The following PXDNL variants were observed in gnomAD, a reference collection of about 807,000 sequenced individuals.
PXDNL encodes the protein peroxidasin like.
Under a neutral mutation model 150.8 loss-of-function variants are expected in PXDNL, and 145 were observed. That is an observed-to-expected ratio of 0.96 (90% CI 0.84 to 1.10). The LOEUF is 1.10. PXDNL is among the 50% of genes least tolerant of loss of function. The pLI is 0.00. For synonymous variants in PXDNL, 757 were observed against 725.7 expected (o/e 1.04, Z -0.69); for missense variants, 2,087 against 1,873.9 (o/e 1.11, Z -2.10).
chr8:51,346,688 G>A (rs576037324), intron 19 of PXDNL, among the ~76,000 whole-genome samples: 17 of 152,208 alleles, frequency 1.1e-4, no homozygotes, highest in Non-Finnish European at 1.6e-4. Context: ...GAGATCTGTC[G>A]TTTACAAGTG....
At chr8:51,515,490 C>T (rs560929127) in intron 4 of PXDNL, among the ~76,000 whole-genome samples, 5 of 152,276 alleles carry the variant, frequency 3.3e-5, no homozygotes, top group African/African-American at 9.6e-5. Context: ...TACCCAAGCG[C>T]ACTGCGGATG....
intron 17 of PXDNL, among the ~76,000 whole-genome samples, chr8:51,399,829 T>A (rs988692484): frequency 6.6e-6 from 1 of 152,204 alleles, no homozygotes; most frequent in African/African-American, 2.4e-5. Context: ...TATACTCTGG[T>A]GGTAAAATAG....
chr8:51,369,029 C>A (rs1807009513), intron 19 of PXDNL, among the ~76,000 whole-genome samples: 1 of 151,958 alleles, frequency 6.6e-6, no homozygotes, highest in South Asian at 2.1e-4. Context: ...ATAAATAAAT[C>A]ATTTAAACAC....
intron 8 of PXDNL, among the ~76,000 whole-genome samples, chr8:51,471,727 C>T (rs1223892342): frequency 6.7e-6 from 1 of 149,624 alleles, no homozygotes; most frequent in African/African-American, 2.5e-5. Flanking sequence ...TGCTCTGTTG[C>T]CCAGGCTGGA....
chr8:51,331,752 C>T (rs1299949328), intron 21 of PXDNL, among the ~76,000 whole-genome samples: 1 of 152,014 alleles, frequency 6.6e-6, no homozygotes. Flanking sequence ...TCAGCAGAGG[C>T]AGCCATAATC....
At chr8:51,630,819 T>C (rs890992317) in intron 2 of PXDNL, among the ~76,000 whole-genome samples, 5 of 151,868 alleles carry the variant, frequency 3.3e-5, no homozygotes, top group Admixed American at 2.6e-4. Flanking sequence ...GGAATGCTTA[T>C]ACACTGCTGG....
chr8:51,651,942 G>C (rs1042397539), intron 2 of PXDNL, among the ~76,000 whole-genome samples: 2 of 152,152 alleles, frequency 1.3e-5, no homozygotes, highest in African/African-American at 4.8e-5. Flanking sequence ...TTAGGCTCCA[G>C]CAATACATAA....
At chr8:51,497,294 T>A (rs965075093) in intron 5 of PXDNL, among the ~76,000 whole-genome samples, 2 of 152,152 alleles carry the variant, frequency 1.3e-5, no homozygotes, top group African/African-American at 4.8e-5. Flanking sequence ...TCGAGATGGA[T>A]TAAAGACTTA....
At chr8:51,394,439 A>T (rs897685312) in intron 17 of PXDNL, among the ~76,000 whole-genome samples, 2 of 152,234 alleles carry the variant, frequency 1.3e-5, no homozygotes. Context: ...GAACAGTATC[A>T]TTCCTAAGTC....
In PXDNL at chr8:51,421,693, C is replaced by T. The variant is rs376034463; in HGVS notation, c.1795+1882G>A. Among the ~76,000 whole-genome samples the T allele has an allele frequency of 1.6e-4, 24 of 151,906 alleles. No homozygotes were observed. The East Asian group carries it at 1.9e-3, about 12-fold the overall frequency. On this transcript the variant is annotated intron_variant, in intron 14 of 22. Coordinates refer to ENST00000356297, the MANE Select transcript of PXDNL (RefSeq NM_144651.5). ...CAGCCTGGGCAACAGAGTGAGACTC[C>T]GTCTCAAAAAAAATAAAAAGCAATT... is the stretch of plus-strand genomic sequence containing the variant.
intron 21 of PXDNL, among the ~76,000 whole-genome samples, chr8:51,334,567 A>T (rs906665606): frequency 6.6e-6 from 1 of 152,196 alleles, no homozygotes; most frequent in African/African-American, 2.4e-5. Flanking sequence ...TTGATAGACC[A>T]TTAGCAAGAT....
intron 17 of PXDNL, among the ~76,000 whole-genome samples, chr8:51,403,843 C>G (rs761291272): frequency 3.3e-5 from 5 of 152,166 alleles, no homozygotes; most frequent in Non-Finnish European, 5.9e-5. Flanking sequence ...CTCGGTCTCA[C>G]TGACTTCAAG....
chr8:51,643,079 G>A lies in PXDNL; in HGVS notation c.236+11610C>T, dbSNP rs918055628. Among the ~76,000 whole-genome samples, 8 of 152,094 alleles carry A rather than the reference G, an allele frequency of 5.3e-5. No individual in the cohort carries two copies. The South Asian group carries it at 8.3e-4, about 16-fold the overall frequency. On this transcript the variant is annotated intron_variant, in intron 2 of 22. Transcript: ENST00000356297. ...AATGGAAGAATATTCCATGCTCATG[G>A]GTAGGAAGAATCAATATTGTGAAAA...
intron 1 of PXDNL, chr8:51,722,072 C>T: frequency 5.6e-6 from 1 of 179,348 alleles, no homozygotes; most frequent in Non-Finnish European, 1.2e-5. Flanking sequence ...TACGGACCAC[C>T]TTCTTCCTTC....
rs763911202 is a variant in PXDNL at position 51,809,190 on chromosome 8, G to A, written c.155C>T (p.Thr52Ile). The A allele has an allele frequency of 2.6e-5, 42 of 1,613,750 alleles. No individual in the cohort carries two copies. In the South Asian group the frequency reaches 3.8e-4, roughly 15 times the overall value. Residue 52 changes from threonine to isoleucine, a missense_variant, in exon 1 of 23, where the codon ACC becomes ATC. By Grantham distance (89) the Thr-to-Ile change is moderately conservative. Coordinates refer to ENST00000356297, the MANE Select transcript of PXDNL (RefSeq NM_144651.5). The part of the protein sequence containing the change: ...LDHIPQVPQQ[T>I]TVLDLRFNRI... ...ATTTATGTGAACTTACAGAACTGTG[G>A]TCTGCTGTGGTACCTGAGGAATGTG...
intron 12 of PXDNL, 117 bp from the exon 13 acceptor site, chr8:51,426,875 A>G: frequency 5.0e-6 from 3 of 604,926 alleles, no homozygotes; most frequent in Admixed American, 6.1e-5. Context: ...CTAGTTTTTT[A>G]AAAATCAATT....
intron 4 of PXDNL, among the ~76,000 whole-genome samples, chr8:51,524,120 C>A (rs555008480): frequency 7.3e-6 from 1 of 136,912 alleles, no homozygotes; most frequent in East Asian, 2.2e-4. Context: ...TTCCTCATGG[C>A]ACCCAAGGGA....
chr8:51,616,207 A>C (rs1261679716), intron 2 of PXDNL, among the ~76,000 whole-genome samples: 1 of 152,180 alleles, frequency 6.6e-6, no homozygotes, highest in African/African-American at 2.4e-5. Flanking sequence ...TCGTATTTTG[A>C]AAAACGCAGG....
intron 2 of PXDNL, among the ~76,000 whole-genome samples, chr8:51,610,489 C>T (rs1813977415): frequency 1.3e-5 from 2 of 151,956 alleles, no homozygotes; most frequent in South Asian, 2.1e-4. Context: ...CAAAATATTC[C>T]TGGAAGAAAT....
Sources: gnomAD v4.1 joint callset for allele counts (sites outside exome capture counted in the v4.1 genomes callset) on GRCh38, gnomAD v4.1.1 for gene constraint, MANE v1.5 for transcripts, NCBI Gene and HGNC (gene_info 2026-07-23, HGNC 2026-07-21) for gene names.